The following NIBAN1 variants were observed in gnomAD, a reference collection of about 807,000 sequenced individuals.
NIBAN1 encodes protein Niban 1.
Under a neutral mutation model 75.1 loss-of-function variants are expected in NIBAN1, and 81 were observed. The ratio of observed to expected loss-of-function variants is 1.08; its 90% CI spans 0.90 to 1.30. NIBAN1 has a LOEUF of 1.30. NIBAN1 is among the 50% of genes most tolerant of loss of function. NIBAN1 has a pLI of 0.00. For synonymous variants in NIBAN1, 436 were observed against 424.8 expected, an observed-to-expected ratio of 1.03 and a Z score of -0.32; for missense variants, 1,133 against 1,128.1, an observed-to-expected ratio of 1.00 and a Z score of -0.06.
At chr1:184,812,869 A>C (rs1654422295) in intron 9 of NIBAN1, among the ~76,000 whole-genome samples, 2 of 152,214 alleles carry the variant, frequency 1.3e-5, no homozygotes, top group South Asian at 4.1e-4. Flanking sequence ...GACCCTGTCT[A>C]GTCTCTTCTC....
chr1:184,945,815 T>G (rs888828757), intron 1 of NIBAN1, among the ~76,000 whole-genome samples: 2 of 152,068 alleles, frequency 1.3e-5, no homozygotes, highest in Non-Finnish European at 2.9e-5. Flanking sequence ...TTCAAAAGAA[T>G]CAGCAGAAAC....
At chr1:184,891,068 G>T (rs1219002504) in intron 3 of NIBAN1, among the ~76,000 whole-genome samples, 1 of 152,182 alleles carries the variant, frequency 6.6e-6, no homozygotes, top group East Asian at 1.9e-4. Context: ...AAATAATGTT[G>T]ATCTGACCAA....
intron 1 of NIBAN1, among the ~76,000 whole-genome samples, chr1:184,913,282 T>C (rs1048280301): frequency 6.6e-6 from 1 of 151,892 alleles, no homozygotes; most frequent in East Asian, 1.9e-4. Flanking sequence ...TTGACCTCCA[T>C]AGGAATTATA....
rs185570170 is a variant in NIBAN1, at chr1:184,840,032, G to A, written c.602-8070C>T. Among the ~76,000 whole-genome samples, 167 of 152,114 alleles carry A rather than the reference G, an allele frequency of 1.1e-3. 1 individual carries two copies. The highest frequency in any genetic ancestry group is 2.9e-3 in the Admixed American group (45 of 15,294). ...TCATTTTACAATTGAACAGACTGAG[G>A]GCCACATAGGGTGTGATATGGCATT... On this transcript the variant is annotated intron_variant, in intron 5 of 13. Transcript: ENST00000367511.
chr1:184,796,367 T>C (rs548436102), intron 13 of NIBAN1, among the ~76,000 whole-genome samples: 24 of 152,324 alleles, frequency 1.6e-4, no homozygotes, highest in African/African-American at 5.8e-4. Flanking sequence ...CTATAGCCTT[T>C]GTTTTCAAGA....
At chr1:184,965,194 G>C (rs940662144) in intron 1 of NIBAN1, among the ~76,000 whole-genome samples, 2 of 152,048 alleles carry the variant, frequency 1.3e-5, no homozygotes, top group African/African-American at 4.8e-5. Flanking sequence ...AGCTACTCGA[G>C]AGGCTGACGC....
intron 2 of NIBAN1, among the ~76,000 whole-genome samples, chr1:184,895,804 CAT>C (rs1428016172): frequency 2.0e-5 from 3 of 152,150 alleles, no homozygotes; most frequent in Non-Finnish European, 4.4e-5. Context: ...TAACTGAAAA[CAT>C]GTGGTATTTG....
chr1:184,918,982 C>T (rs1443028620), intron 1 of NIBAN1, among the ~76,000 whole-genome samples: 1 of 152,134 alleles, frequency 6.6e-6, no homozygotes, highest in Non-Finnish European at 1.5e-5. Context: ...AACATTTACA[C>T]CAACATTTAA....
At chr1:184,901,653 T>C (rs905612260) in intron 1 of NIBAN1, among the ~76,000 whole-genome samples, 4 of 152,176 alleles carry the variant, frequency 2.6e-5, no homozygotes, top group Admixed American at 6.5e-5. Flanking sequence ...TGAAAGCACT[T>C]GGATTGAAAT....
At chr1:184,888,217 AT>A (rs1421937183) in intron 4 of NIBAN1, 3 of 152,202 alleles carry the variant, frequency 2.0e-5, no homozygotes, top group Admixed American at 6.5e-5. Flanking sequence ...AAATGCACTT[AT>A]TCATAAGCCT....
At chr1:184,815,024 G>A (rs1372299917) in intron 9 of NIBAN1, among the ~76,000 whole-genome samples, 1 of 152,158 alleles carries the variant, frequency 6.6e-6, no homozygotes, top group Admixed American at 6.5e-5. Context: ...CTTATAAATT[G>A]TGGAAACAGT....
At chr1:184,859,592 G>T (rs1475600014) in intron 5 of NIBAN1, among the ~76,000 whole-genome samples, 2 of 152,270 alleles carry the variant, frequency 1.3e-5, no homozygotes, top group African/African-American at 4.8e-5. Flanking sequence ...GGATCTGAAA[G>T]CAGAAGCAGA....
At chr1:184,824,915 A>G (rs1654804510) in intron 6 of NIBAN1, among the ~76,000 whole-genome samples, 1 of 152,206 alleles carries the variant, frequency 6.6e-6, no homozygotes, top group Non-Finnish European at 1.5e-5. Context: ...TGACACACAT[A>G]GCTACCTTGG....
chr1:184,835,249 T>C (rs1039838233), intron 5 of NIBAN1, among the ~76,000 whole-genome samples: 1 of 152,216 alleles, frequency 6.6e-6, no homozygotes. Flanking sequence ...ACTGTACCCT[T>C]GTAGTATAGT....
intron 5 of NIBAN1, among the ~76,000 whole-genome samples, chr1:184,854,691 C>A (rs888381573): frequency 1.3e-5 from 2 of 152,186 alleles, no homozygotes; most frequent in Non-Finnish European, 2.9e-5. Context: ...AGCCTTGCAA[C>A]AATCCACTAT....
intron 1 of NIBAN1, among the ~76,000 whole-genome samples, chr1:184,967,067 C>G (rs1400524752): frequency 6.6e-6 from 1 of 152,150 alleles, no homozygotes; most frequent in Non-Finnish European, 1.5e-5. Flanking sequence ...GTAGGGGGCA[C>G]TTTTTAAAAG....
At chr1:184,900,047 C>T (rs1026232059) in intron 1 of NIBAN1, among the ~76,000 whole-genome samples, 1 of 152,050 alleles carries the variant, frequency 6.6e-6, no homozygotes, top group Admixed American at 6.6e-5. Context: ...AACTCCCAAC[C>T]TCAGATGATC....
chr1:184,937,036 G>A (rs1487953756), intron 1 of NIBAN1, among the ~76,000 whole-genome samples: 4 of 151,770 alleles, frequency 2.6e-5, no homozygotes, highest in Non-Finnish European at 4.4e-5. Flanking sequence ...TTCCTTATAC[G>A]GGCGCATTTC....
intron 12 of NIBAN1, among the ~76,000 whole-genome samples, chr1:184,799,628 A>G (rs1197593003): frequency 7.6e-6 from 1 of 131,304 alleles, no homozygotes; most frequent in Admixed American, 7.7e-5. Context: ...ACTGACTTCC[A>G]CAATGGTTGA....
Sources: gnomAD v4.1 joint callset for allele counts (sites outside exome capture counted in the v4.1 genomes callset) on GRCh38, gnomAD v4.1.1 for gene constraint, MANE v1.5 for transcripts, NCBI Gene and HGNC (gene_info 2026-07-23, HGNC 2026-07-21) for gene names.